DIPK1B: variants seen among roughly 807,000 people sequenced by gnomAD.
DIPK1B encodes family with sequence similarity 69 member B.
DIPK1B carries 17 observed loss-of-function variants against 20.7 expected under a neutral mutation model. That is an observed-to-expected ratio of 0.82 (90% confidence interval 0.56 to 1.23). The LOEUF is 1.23. DIPK1B is among the 50% of genes most tolerant of loss of function. The probability of loss-of-function intolerance (pLI) is 0.00; values close to 1 mark genes in which losing one functional copy is unlikely to be tolerated. For synonymous variants in DIPK1B, 343 were observed against 276.5 expected (o/e 1.24, Z -2.39); for missense variants, 648 against 601.8 (o/e 1.08, Z -0.80).
At chr9:136,718,357 G>T (rs1846535382) in intron 2 of DIPK1B, among the ~76,000 whole-genome samples, 1 of 152,156 alleles carries the variant, frequency 6.6e-6, no homozygotes, top group Non-Finnish European at 1.5e-5. Context: ...GCAGGTGGCA[G>T]GGCAAGGTCC....
intron 1 of DIPK1B, among the ~76,000 whole-genome samples, chr9:136,715,581 C>G (rs1846485527): frequency 6.6e-6 from 1 of 151,568 alleles, no homozygotes. Context: ...ATGGCGCCAT[C>G]TCAGCTCACC....
At chr9:136,722,440 G>T (rs1442797590) in intron 4 of DIPK1B, 139 bp downstream of exon 4, 4 of 1,037,212 alleles carry the variant, frequency 3.9e-6, no homozygotes, top group Non-Finnish European at 5.5e-6. Context: ...CCATCCCCCA[G>T]CCCCTGGGCA....
At chr9:136,719,182 C>T (rs1588283010) in intron 2 of DIPK1B, among the ~76,000 whole-genome samples, 3 of 152,218 alleles carry the variant, frequency 2.0e-5, no homozygotes, top group South Asian at 4.1e-4. Flanking sequence ...AGAGGATTCA[C>T]GTGGCCAGGC....
intron 1 of DIPK1B, among the ~76,000 whole-genome samples, chr9:136,715,376 G>A (rs1488075654): frequency 6.6e-6 from 1 of 152,184 alleles, no homozygotes; most frequent in Non-Finnish European, 1.5e-5. Flanking sequence ...CCCTAGAGCC[G>A]GTGCCTGAGC....
intron 1 of DIPK1B, among the ~76,000 whole-genome samples, chr9:136,716,736 C>T (rs1369228589): frequency 2.6e-5 from 4 of 152,204 alleles, no homozygotes; most frequent in Admixed American, 2.6e-4. Context: ...GATGTGGCTG[C>T]GTTGGGCTCC....
At chr9:136,721,655 C>CT in intron 2 of DIPK1B, 1 of 473,418 alleles carries the variant, frequency 2.1e-6, no homozygotes, top group Non-Finnish European at 3.9e-6. Context: ...AGGCAGTGGC[C>CT]TTTGCTGTGC....
rs747371223 is a variant in DIPK1B at position 136,723,194 on chromosome 9, G to A, written c.716G>A (p.Trp239Ter). The change falls in exon 5 of 5, where the codon TGG (tryptophan) becomes TAG (stop). Residue 239 changes from tryptophan (W) to a stop codon, truncating the protein, a stop_gained. Coordinates refer to ENST00000371692, the MANE Select transcript of DIPK1B (RefSeq NM_152421.4). LOFTEE classifies it low-confidence loss of function (END_TRUNC). The stretch of plus-strand genomic sequence containing the variant: ...ACCGAGGGCGTGCCGCATGGCGCCT[G>A]GCACGCGGCCGCCCTTCCACCCCTG... The part of the protein sequence containing the change: ...YLTEGVPHGA[W>*]HAAALPPLLR... 4.2e-5 allele frequency: 68 copies of A among 1,612,504 alleles called. No individual in the cohort carries two copies. The highest frequency in any genetic ancestry group is 4.8e-5 in the Non-Finnish European group (57 of 1,179,836).
chr9:136,716,331 G>C (rs577449911), intron 1 of DIPK1B, among the ~76,000 whole-genome samples: 37 of 150,562 alleles, frequency 2.5e-4, no homozygotes, highest in Admixed American at 1.6e-3. Flanking sequence ...TGTAGCGTGG[G>C]GTCACAGCTC....
At chr9:136,719,689 T>C (rs972370166) in intron 2 of DIPK1B, among the ~76,000 whole-genome samples, 2 of 152,190 alleles carry the variant, frequency 1.3e-5, no homozygotes, top group Non-Finnish European at 2.9e-5. Context: ...TAGGTGCTGG[T>C]AGGTGCCCAG....
intron 1 of DIPK1B, among the ~76,000 whole-genome samples, chr9:136,714,667 C>T (rs1199394612): frequency 4.6e-5 from 7 of 152,354 alleles, no homozygotes; most frequent in South Asian, 4.1e-4. Flanking sequence ...GCAAGTCTGC[C>T]GGAAACAGAT....
chr9:136,722,656 T>C (rs1441231304), intron 4 of DIPK1B: 2 of 554,226 alleles, frequency 3.6e-6, no homozygotes, highest in Admixed American at 6.5e-5. Flanking sequence ...CCTGTGCCGA[T>C]TCTCATCCTC....
In DIPK1B at chr9:136,713,115, G is replaced by A. The variant is rs192771382; in HGVS notation, c.63+387G>A. On this transcript the variant is annotated intron_variant, in intron 1 of 4. Coordinates refer to ENST00000371692, the MANE Select transcript of DIPK1B (RefSeq NM_152421.4). ...GCCCTGGCAAGGACATGACCTCCCC[G>A]CCCCCTGCCCCTTCATCCCATCAGC... Among the ~76,000 whole-genome samples the A allele has an allele frequency of 1.3e-5, 2 of 152,210 alleles. 1 individual carries two copies. Among genetic ancestry groups the A allele is most frequent in the East Asian group, 3.9e-4 (2 of 5,158 alleles).
chr9:136,723,755 C>G lies in DIPK1B; in HGVS notation c.1277C>G (p.Ser426Cys). Reference protein sequence around the residue: ...HLKTLLWKKISNTKYS With the variant: ...HLKTLLWKKICNTKYS Reference sequence around the variant, plus strand: ...AAGACTCTGCTCTGGAAGAAGATCTCCAACACCAAGTACTCTTGATGGGGC... The same window carrying G: ...AAGACTCTGCTCTGGAAGAAGATCTGCAACACCAAGTACTCTTGATGGGGC... Residue 426 changes from serine to cysteine, a missense_variant, in exon 5 of 5, where the codon TCC becomes TGC. Physicochemically the swap from Ser to Cys is moderately radical, Grantham distance 112. Coordinates refer to ENST00000371692, the MANE Select transcript of DIPK1B (RefSeq NM_152421.4). 2.6e-6 allele frequency: 4 copies of G among 1,534,656 alleles called. No individual in the cohort carries two copies. The highest frequency in any genetic ancestry group is 2.4e-5 in the East Asian group (1 of 40,914).
rs560118972 is a variant in DIPK1B at position 136,716,593 on chromosome 9, G to A, written c.64-984G>A. Among the ~76,000 whole-genome samples, 6 of 152,138 alleles carry A rather than the reference G, an allele frequency of 3.9e-5. No individual in the cohort carries two copies. In the South Asian group the frequency reaches 1.2e-3, roughly 32 times the overall value. The stretch of plus-strand genomic sequence containing the variant: ...ATTTTTGTATTTTTGTAGAGGCGGG[G>A]TTTCCCTATGTTGCCCAGGATGGTC... On this transcript the variant is annotated intron_variant, in intron 1 of 4. Coordinates refer to ENST00000371692, the MANE Select transcript of DIPK1B (RefSeq NM_152421.4).
At position 136,724,461 on chromosome 9, in the gene DIPK1B, C is replaced by A. The variant is rs1304550687; in HGVS notation, c.*687C>A. Among the ~76,000 whole-genome samples the A allele has an allele frequency of 6.6e-6, 1 of 152,218 alleles. No individual in the cohort carries two copies. On this transcript the variant is annotated 3_prime_UTR_variant, in exon 5 of 5. Transcript: ENST00000371692. ...CATCTTCTCCAGCCCCGTACGCTCTCCCCAGTAGCCCAGGGCACCCAGCAA... is the reference window on the plus strand; with the variant it reads ...CATCTTCTCCAGCCCCGTACGCTCTACCCAGTAGCCCAGGGCACCCAGCAA...
chr9:136,715,946 A>C (rs1223583823), intron 1 of DIPK1B, among the ~76,000 whole-genome samples: 2 of 152,110 alleles, frequency 1.3e-5, no homozygotes, highest in African/African-American at 4.8e-5. Context: ...CTCTGTCTGC[A>C]TCAAACGCAC....
Position 136,712,803 on chromosome 9 carries a change from G to C in DIPK1B, c.63+75G>C. Reference sequence around the variant, plus strand: ...CCGAGCTCCAGCCCCGGAGTGGGCCGAGTACGGAGCGGGGCCCCGGGTTCG... The same window carrying C: ...CCGAGCTCCAGCCCCGGAGTGGGCCCAGTACGGAGCGGGGCCCCGGGTTCG... On this transcript the variant is annotated intron_variant, in intron 1 of 4. Coordinates refer to ENST00000371692, the MANE Select transcript of DIPK1B (RefSeq NM_152421.4). The surrounding 1 kb of genome is among the most constrained non-coding windows in gnomAD (Gnocchi z 5.6). 9.1e-7 allele frequency: 1 copy of C among 1,103,548 alleles called. No individual in the cohort carries two copies. The highest frequency in any genetic ancestry group is 3.1e-5 in the South Asian group (1 of 32,124). The allele number at this position is 1,103,548 out of a possible 1,614,324, so 68.4% of individuals were successfully genotyped here.
In DIPK1B at chr9:136,722,136, G is replaced by T. The variant is rs1278944439; in HGVS notation, c.318G>T (p.Gly106=). 16 of 1,614,012 alleles carry T rather than the reference G, an allele frequency of 9.9e-6. No individual in the cohort carries two copies. Among genetic ancestry groups the T allele is most frequent in the Non-Finnish European group, 1.4e-5 (16 of 1,179,992 alleles). ...SVAPGQQVYS[G]LWRDKDVTIK... The stretch of plus-strand genomic sequence containing the variant: ...GTGGCCCTGTCCAGGTGTACAGCGG[G>T]CTCTGGCGGGACAAGGATGTAACCA... Residue 106 remains glycine (G), a synonymous_variant, in exon 4 of 5, where the codon GGG becomes GGT. Coordinates refer to ENST00000371692, the MANE Select transcript of DIPK1B (RefSeq NM_152421.4).
rs1314492803 is a variant in DIPK1B at position 136,717,934 on chromosome 9, G to A, written c.198+223G>A. On this transcript the variant is annotated intron_variant, in intron 2 of 4. Coordinates refer to ENST00000371692, the MANE Select transcript of DIPK1B (RefSeq NM_152421.4). ...GGGCTGCCTCAGGCTGGGTGTGGAGGATGGGGGTCCAGAGGAGGATGGGGG... is the reference window on the plus strand; with the variant it reads ...GGGCTGCCTCAGGCTGGGTGTGGAGAATGGGGGTCCAGAGGAGGATGGGGG... 6.0e-5 allele frequency among the ~76,000 whole-genome samples: 9 copies of A among 150,870 alleles called. No individual in the cohort carries two copies. In the South Asian group the frequency reaches 1.7e-3, roughly 28 times the overall value.
Sources: allele counts gnomAD v4.1 joint callset (sites outside exome capture counted in the v4.1 genomes callset), GRCh38; gene constraint gnomAD v4.1.1; non-coding constraint Gnocchi (gnomAD v3.1); transcripts MANE v1.5; gene names NCBI Gene and HGNC (gene_info 2026-07-23, HGNC 2026-07-21).